Variants in KLRG1 observed in about 807,000 individuals in gnomAD.
The protein encoded by KLRG1 is killer cell lectin like receptor G1.
KLRG1 carries 16 observed loss-of-function variants against 21.8 expected under a neutral mutation model. The ratio of observed to expected loss-of-function variants is 0.73; its 90% CI spans 0.50 to 1.11. KLRG1 has a LOEUF of 1.11. Ranked by LOEUF, KLRG1 falls within the 50% of genes most tolerant of loss-of-function variation. KLRG1 has a pLI of 0.00. For synonymous variants in KLRG1, 69 were observed against 75.9 expected, an observed-to-expected ratio of 0.91 and a Z score of 0.47; for missense variants, 173 against 218.3, an observed-to-expected ratio of 0.79 and a Z score of 1.31.
chr12:9,109,169 A>G, the KLRG1 span, among the ~76,000 whole-genome samples: 2 of 152,242 alleles, frequency 1.3e-5, no homozygotes, highest in East Asian at 3.8e-4. Context: ...TAGAAAAGCA[A>G]CAGGAGAATA....
chr12:9,096,007 C>T, the KLRG1 span, among the ~76,000 whole-genome samples: 300 of 151,988 alleles, frequency 2.0e-3, 4 homozygotes, highest in African/African-American at 7.0e-3. Flanking sequence ...GATCCACCCG[C>T]CTCGGCCTCC....
the KLRG1 span, among the ~76,000 whole-genome samples, chr12:9,094,340 C>CATATATATATATATATATAT: frequency 1.0e-5 from 1 of 97,018 alleles, no homozygotes; most frequent in Non-Finnish European, 2.0e-5. Flanking sequence ...AAAAATTGTG[C>CATATATATATATATATATAT]ATATATATAT....
the KLRG1 span, among the ~76,000 whole-genome samples, chr12:9,167,998 G>A: frequency 6.6e-6 from 1 of 152,060 alleles, no homozygotes; most frequent in Admixed American, 6.6e-5. Flanking sequence ...ACAGTCCATG[G>A]CCCTTTAAAA....
At chr12:9,070,087 C>T in the KLRG1 span, among the ~76,000 whole-genome samples, 1 of 152,140 alleles carries the variant, frequency 6.6e-6, no homozygotes, top group Non-Finnish European at 1.5e-5. Flanking sequence ...AAGTTCAATT[C>T]AGTTTCTATT....
At chr12:8,998,721 C>T (rs1395221362) in intron 3 of KLRG1, among the ~76,000 whole-genome samples, 3 of 151,682 alleles carry the variant, frequency 2.0e-5, no homozygotes, top group African/African-American at 7.3e-5. Context: ...ATCAACTCAC[C>T]TTCAAAGTCA....
the KLRG1 span, among the ~76,000 whole-genome samples, chr12:9,167,840 T>A: frequency 1.3e-5 from 2 of 152,230 alleles, no homozygotes; most frequent in African/African-American, 2.4e-5. Context: ...AAACTTGAAG[T>A]TTGTTCTATG....
At chr12:9,113,248 A>C in the KLRG1 span, 46 of 1,016,024 alleles carry the variant, frequency 4.5e-5, no homozygotes, top group Non-Finnish European at 5.8e-5. Flanking sequence ...CTACATTTGG[A>C]TTCCTTCCTG....
In KLRG1 at chr12:8,982,709, G is replaced by A. The variant is rs756674472; in HGVS notation, c.-155-9497G>A. Among the ~76,000 whole-genome samples, 60 of 147,888 alleles carry A rather than the reference G, an allele frequency of 4.1e-4. 1 individual carries two copies. The highest frequency in any genetic ancestry group is 1.3e-3 in the African/African-American group (53 of 39,888). ...TGTCCAGGCTGGAGTGCAATGGTGC[G>A]ATCTTGGCTCACTGCAACCTCCACC... On this transcript the variant is annotated intron_variant, in intron 1 of 4. Coordinates refer to the KLRG1 transcript ENST00000539240.
chr12:9,025,639 A>G, the KLRG1 span, among the ~76,000 whole-genome samples: 3 of 152,222 alleles, frequency 2.0e-5, no homozygotes, highest in Non-Finnish European at 4.4e-5. Context: ...TTCATCTCAA[A>G]AAAAACCCAA....
At chr12:9,068,052 C>G in the KLRG1 span, 1 of 1,147,792 alleles carries the variant, frequency 8.7e-7, no homozygotes, top group Non-Finnish European at 1.3e-6. Context: ...ATGTGTTTTT[C>G]TATAATAATG....
chr12:9,103,979 G>C, the KLRG1 span, among the ~76,000 whole-genome samples: 2 of 152,102 alleles, frequency 1.3e-5, no homozygotes, highest in African/African-American at 4.8e-5. Context: ...AATTTTTTCA[G>C]GAACTACTAT....
chr12:9,177,168 G>A, the KLRG1 span, among the ~76,000 whole-genome samples: 1 of 152,194 alleles, frequency 6.6e-6, no homozygotes, highest in Non-Finnish European at 1.5e-5. Flanking sequence ...TTGTGGAAAT[G>A]AGGGGACATG....
At chr12:9,032,266 A>G in the KLRG1 span, among the ~76,000 whole-genome samples, 3 of 152,222 alleles carry the variant, frequency 2.0e-5, no homozygotes, top group Non-Finnish European at 4.4e-5. Flanking sequence ...AAGAAATCCT[A>G]TATTCCAAAG....
chr12:9,080,046 A>G, the KLRG1 span: 1 of 1,215,536 alleles, frequency 8.2e-7, no homozygotes, highest in Non-Finnish European at 1.1e-6. Context: ...TAAAAATAGT[A>G]TAATAGAAGC....
At chr12:9,027,667 G>T in the KLRG1 span, 1 of 961,598 alleles carries the variant, frequency 1.0e-6, no homozygotes, top group Non-Finnish European at 1.7e-6. Context: ...CCCTTCATGG[G>T]TCCAAAATTT....
the KLRG1 span, chr12:9,098,698 A>G: frequency 7.4e-6 from 12 of 1,612,356 alleles, no homozygotes; most frequent in African/African-American, 1.5e-4. Context: ...AGCCGCTGTG[A>G]CTCGCAGGTG....
At chr12:8,967,345 TAATAA>T (rs995880313) in intron 1 of KLRG1, among the ~76,000 whole-genome samples, 104 of 152,228 alleles carry the variant, frequency 6.8e-4, no homozygotes, top group Admixed American at 2.3e-3. Context: ...AGTTTTATAA[TAATAA>T]AATAAAATAA....
the KLRG1 span, among the ~76,000 whole-genome samples, chr12:9,211,734 A>G: frequency 6.6e-6 from 1 of 152,140 alleles, no homozygotes; most frequent in African/African-American, 2.4e-5. Context: ...ATCTTTATAG[A>G]CTGGTTTTAC....
At chr12:9,157,829 C>A in the KLRG1 span, 1 of 1,613,558 alleles carries the variant, frequency 6.2e-7, no homozygotes, top group Non-Finnish European at 8.5e-7. Flanking sequence ...GTCGCTTCAT[C>A]TTCTACACCT....
Sources: allele counts gnomAD v4.1 joint callset (sites outside exome capture counted in the v4.1 genomes callset), GRCh38; gene constraint gnomAD v4.1.1; transcripts MANE v1.5; gene names NCBI Gene and HGNC (gene_info 2026-07-23, HGNC 2026-07-21).